Variants in GPRC5A observed in about 807,000 individuals in gnomAD.
GPRC5A encodes retinoic acid-induced protein 3.
GPRC5A carries 19 observed loss-of-function variants against 22.5 expected under a neutral mutation model. The observed-to-expected ratio is 0.85, with a 90% CI of 0.59 to 1.24. The LOEUF (loss-of-function observed/expected upper bound fraction) is 1.24, where lower values mean the gene tolerates loss of function less well. Among genes scored for constraint, GPRC5A ranks in the 50% most tolerant of loss-of-function variants. The pLI is 0.00. For synonymous variants in GPRC5A, 192 were observed against 184.5 expected, an observed-to-expected ratio of 1.04 and a Z score of -0.33; for missense variants, 471 against 451.1, an observed-to-expected ratio of 1.04 and a Z score of -0.40.
At position 12,891,601 on chromosome 12, in the gene GPRC5A, C is replaced by G. The variant is rs377385816; in HGVS notation, c.-71C>G. On this transcript the variant is annotated 5_prime_UTR_variant, in exon 1 of 4. Coordinates refer to ENST00000014914, the MANE Select transcript of GPRC5A (RefSeq NM_003979.4). ...AGGTCTCCCCCAGCACTGAGGAGCT[C>G]GCCTGCTGCCCTCTTGCGCGCGGGA... 6.6e-6 allele frequency: 1 copy of G among 152,396 alleles called. No homozygotes were observed. Among genetic ancestry groups the G allele is most frequent in the African/African-American group, 2.4e-5 (1 of 41,588 alleles). 9.4% of individuals were successfully genotyped at this position (152,396 alleles called of 1,614,324 possible).
rs151086901 is a variant in GPRC5A, at chr12:12,899,405, G to C, written c.-8+7741G>C. The stretch of plus-strand genomic sequence containing the variant: ...GAATATATGGTGGTTTAAATGGAGA[G>C]AGGTTGGGGTCAGGGAGAAAAGCTC... On this transcript the variant is annotated intron_variant, in intron 1 of 3. Transcript: ENST00000014914. Among the ~76,000 whole-genome samples, 103 of 152,292 alleles carry C rather than the reference G, an allele frequency of 6.8e-4. 2 individuals carry two copies. In the East Asian group the frequency reaches 0.017, roughly 26 times the overall value.
intron 1 of GPRC5A, among the ~76,000 whole-genome samples, chr12:12,894,436 T>C (rs1414025090): frequency 6.6e-6 from 1 of 152,174 alleles, no homozygotes; most frequent in African/African-American, 2.4e-5. Context: ...TGAGACAGGG[T>C]CTTGCTCTGT....
In GPRC5A at chr12:12,908,885, C is replaced by CA. The variant is rs1863974222; in HGVS notation, c.637dup (p.Ile213AsnfsTer23). 6.2e-7 allele frequency: 1 copy of CA among 1,614,086 alleles called. No homozygotes were observed. Among genetic ancestry groups the CA allele is most frequent in the African/African-American group, 1.3e-5 (1 of 74,936 alleles). On this transcript the variant is annotated frameshift_variant, in exon 2 of 4. Transcript: ENST00000014914. LOFTEE classifies it high-confidence loss of function. ...CGGGCTGGAAGAGACATGGGGCCCACATCTACCTCACGATGCTCCTCTCCA... is the reference window on the plus strand; with the variant it reads ...CGGGCTGGAAGAGACATGGGGCCCACAATCTACCTCACGATGCTCCTCTCCA...
In GPRC5A at chr12:12,893,164, A is replaced by G. The variant is rs78177289; in HGVS notation, c.-8+1500A>G. Among the ~76,000 whole-genome samples the G allele has an allele frequency of 8.4e-3, 1,284 of 152,344 alleles. 6 individuals carry two copies. The highest frequency in any genetic ancestry group is 0.014 in the Non-Finnish European group (929 of 68,034). On this transcript the variant is annotated intron_variant, in intron 1 of 3. Coordinates refer to ENST00000014914, the MANE Select transcript of GPRC5A (RefSeq NM_003979.4). ...TCCGCAGGAACATGGAACTGTGATC[A>G]GGCAAGGGGCTGGGCCTGAGTTCCT...
chr12:12,902,346 G>GT (rs34936618), intron 1 of GPRC5A, among the ~76,000 whole-genome samples: 22,355 of 145,650 alleles, frequency 0.15, 1,878 homozygotes, highest in African/African-American at 0.23. Context: ...GACTAAGATG[G>GT]TTTTTTTTTT....
chr12:12,895,620 A>G (rs373253434), intron 1 of GPRC5A, among the ~76,000 whole-genome samples: 5 of 151,746 alleles, frequency 3.3e-5, no homozygotes, highest in East Asian at 1.9e-4. Flanking sequence ...GATCCAGTGA[A>G]TATTACCCTT....
chr12:12,912,707 T>C lies in GPRC5A; in HGVS notation c.*168T>C. Reference sequence around the variant, plus strand: ...CAATTCTTCCATGCTGGGGCTGATGTGGGCTAGTAAGACTCCAGTTCTTAG... The same window carrying C: ...CAATTCTTCCATGCTGGGGCTGATGCGGGCTAGTAAGACTCCAGTTCTTAG... On this transcript the variant is annotated 3_prime_UTR_variant, in exon 4 of 4. Coordinates refer to ENST00000014914, the MANE Select transcript of GPRC5A (RefSeq NM_003979.4). The C allele has an allele frequency of 1.7e-6, 1 of 578,430 alleles. No homozygotes were observed. Among genetic ancestry groups the C allele is most frequent in the Non-Finnish European group, 3.1e-6 (1 of 325,142 alleles). 35.8% of individuals were successfully genotyped at this position (578,430 alleles called of 1,614,324 possible).
At chr12:12,892,652 C>A (rs184819030) in intron 1 of GPRC5A, among the ~76,000 whole-genome samples, 84 of 152,212 alleles carry the variant, frequency 5.5e-4, no homozygotes, top group African/African-American at 1.9e-3. Context: ...CAGGTGTGAG[C>A]CCCCGCGCCC....
At position 12,913,078 on chromosome 12, in the gene GPRC5A, C is replaced by T. The variant is rs1003605527; in HGVS notation, c.*539C>T. ...CACACAGCTCTAGGGGCCTGCTCCT[C>T]TAACTCACAGTGGGTTTTGTGAGGC... On this transcript the variant is annotated 3_prime_UTR_variant, in exon 4 of 4. Transcript: ENST00000014914. 2.0e-5 allele frequency: 3 copies of T among 153,074 alleles called. No homozygotes were observed. Among genetic ancestry groups the T allele is most frequent in the African/African-American group, 7.2e-5 (3 of 41,436 alleles). The allele number at this position is 153,074 out of a possible 1,614,324, so 9.5% of individuals were successfully genotyped here.
rs1244393453 is a variant in GPRC5A, at chr12:12,909,121, AGAG to A, written c.873_875del (p.Lys291_Ser292delinsAsn). The A allele has an allele frequency of 3.7e-6, 6 of 1,600,148 alleles. 1 individual carries two copies. In the South Asian group the frequency reaches 6.6e-5, roughly 18 times the overall value. The stretch of plus-strand genomic sequence containing the variant: ...TTCTGTAAACCTCAACTCGTGAAGA[AGAG>A]CTATGGTGTGGAGAACAGAGCCTAC... On this transcript the variant is annotated inframe_deletion, in exon 2 of 4. Transcript: ENST00000014914.
In GPRC5A at chr12:12,912,135, A is replaced by G. The variant is rs1864012020; in HGVS notation, c.974A>G (p.Gln325Arg). ...TATGCCCCCTATTCCACACATTTTCAGCTGCAGGTAAGTGATTTTTTTCTC... is the reference window on the plus strand; with the variant it reads ...TATGCCCCCTATTCCACACATTTTCGGCTGCAGGTAAGTGATTTTTTTCTC... ...TLYAPYSTHF[Q>R]LQNQPPQKEF... Residue 325 changes from glutamine to arginine, a missense_variant, in exon 3 of 4, where the codon CAG becomes CGG. Physicochemically the swap from Gln to Arg is conservative, Grantham distance 43 (BLOSUM62 1). Transcript: ENST00000014914. 1 of 1,609,082 alleles carries G rather than the reference A, an allele frequency of 6.2e-7. No homozygotes were observed. The highest frequency in any genetic ancestry group is 1.3e-5 in the African/African-American group (1 of 74,934).
In GPRC5A at chr12:12,917,818, A is replaced by G. The variant is rs1056927; in HGVS notation, c.*5279A>G. On this transcript the variant is annotated 3_prime_UTR_variant, in exon 4 of 4. Coordinates refer to ENST00000014914, the MANE Select transcript of GPRC5A (RefSeq NM_003979.4). The stretch of plus-strand genomic sequence containing the variant: ...ATCCCCATGAGACAAGACTGATGGA[A>G]AGGGTGGTGGGGCAACACTGCTTAA... 76,304 of 152,032 alleles carry G rather than the reference A, an allele frequency of 0.5. 19,963 individuals are homozygous for G. Among genetic ancestry groups the G allele is most frequent in the East Asian group, 0.87 (4,510 of 5,166 alleles). 9.4% of individuals were successfully genotyped at this position (152,032 alleles called of 1,614,324 possible).
rs117246213 is a variant in GPRC5A, at chr12:12,892,386, A to G, written c.-8+722A>G. ...GCAAATAGCTTTATTTTATTTTTTG[A>G]GATGGAGTTTCACTCTTGTTGCCCA... On this transcript the variant is annotated intron_variant, in intron 1 of 3. Coordinates refer to ENST00000014914, the MANE Select transcript of GPRC5A (RefSeq NM_003979.4). 8.6e-5 allele frequency among the ~76,000 whole-genome samples: 13 copies of G among 151,868 alleles called. No homozygotes were observed. In the East Asian group the frequency reaches 2.3e-3, roughly 27 times the overall value.
chr12:12,908,906 C>T lies in GPRC5A; in HGVS notation c.657C>T (p.Leu219=), dbSNP rs754570934. Residue 219 remains leucine, a synonymous_variant, in exon 2 of 4, where the codon CTC becomes CTT. Coordinates refer to ENST00000014914, the MANE Select transcript of GPRC5A (RefSeq NM_003979.4). The part of the protein sequence containing the change: ...HGAHIYLTML[L]SIAIWVAWIT... ...CCCACATCTACCTCACGATGCTCCT[C>T]TCCATTGCCATCTGGGTGGCCTGGA... The T allele has an allele frequency of 2.5e-6, 4 of 1,614,072 alleles. No homozygotes were observed. In the South Asian group the frequency reaches 3.3e-5, roughly 13 times the overall value.
chr12:12,911,541 T>C (rs1592352586), intron 2 of GPRC5A, among the ~76,000 whole-genome samples: 1 of 151,216 alleles, frequency 6.6e-6, no homozygotes, highest in Non-Finnish European at 1.5e-5. Flanking sequence ...CAGGCTGGAG[T>C]GCAGTGGTGC....
Position 12,894,248 on chromosome 12 carries a change from T to C in GPRC5A, c.-8+2584T>C, listed in dbSNP as rs544882317. On this transcript the variant is annotated intron_variant, in intron 1 of 3. Transcript: ENST00000014914. ...TTAGTAATGGAGATCTAATAAGATATGAAGATAGAGAATATTTCTATTTAA... is the reference window on the plus strand; with the variant it reads ...TTAGTAATGGAGATCTAATAAGATACGAAGATAGAGAATATTTCTATTTAA... Among the ~76,000 whole-genome samples the C allele has an allele frequency of 1.6e-3, 241 of 152,338 alleles. 1 individual carries two copies. Among genetic ancestry groups the C allele is most frequent in the Non-Finnish European group, 2.3e-3 (158 of 68,028 alleles).
At chr12:12,899,945 G>A (rs1284034737) in intron 1 of GPRC5A, among the ~76,000 whole-genome samples, 2 of 152,202 alleles carry the variant, frequency 1.3e-5, no homozygotes, top group South Asian at 2.1e-4. Context: ...CGTAGAATAA[G>A]CATGGGCAAA....
intron 1 of GPRC5A, among the ~76,000 whole-genome samples, chr12:12,904,811 T>C (rs996250990): frequency 6.6e-6 from 1 of 152,016 alleles, no homozygotes; most frequent in Non-Finnish European, 1.5e-5. Context: ...ATGTACAATC[T>C]TCCTACTTGC....
In GPRC5A at chr12:12,912,496, C is replaced by G; in HGVS notation, c.1031C>G (p.Pro344Arg). Reference sequence around the variant, plus strand: ...TCCATCCCACGGGCCCACGCTTGGCCGAGCCCTTACAAAGACTATGAAGTA... The same window carrying G: ...TCCATCCCACGGGCCCACGCTTGGCGGAGCCCTTACAAAGACTATGAAGTA... ...EFSIPRAHAW[P>R]SPYKDYEVKK... The change falls in exon 4 of 4, where the codon CCG (proline) becomes CGG (arginine). Residue 344 changes from proline to arginine, a missense_variant. Transcript: ENST00000014914. The G allele has an allele frequency of 1.9e-6, 3 of 1,612,718 alleles. No homozygotes were observed. Among genetic ancestry groups the G allele is most frequent in the East Asian group, 4.5e-5 (2 of 44,882 alleles).
Sources: gnomAD v4.1 joint callset for allele counts (sites outside exome capture counted in the v4.1 genomes callset) on GRCh38, gnomAD v4.1.1 for gene constraint, MANE v1.5 for transcripts, NCBI Gene and HGNC (gene_info 2026-07-23, HGNC 2026-07-21) for gene names.